The following ADAMTS12 variants were observed in gnomAD, a reference collection of about 807,000 sequenced individuals.
The protein encoded by ADAMTS12 is A disintegrin and metalloproteinase with thrombospondin motifs 12.
A neutral mutation model predicts 167.8 loss-of-function variants in ADAMTS12; 118 were observed. The ratio of observed to expected loss-of-function variants is 0.70; its 90% CI spans 0.61 to 0.82. The LOEUF (loss-of-function observed/expected upper bound fraction) is 0.82. Among genes scored for constraint, ADAMTS12 ranks in the 40% least tolerant of loss-of-function variants. ADAMTS12 has a pLI of 0.00. For missense variants in ADAMTS12, 1,916 were observed against 1,998.8 expected, an observed-to-expected ratio of 0.96 and a Z score of 0.79; for synonymous variants, 704 against 716.9, an observed-to-expected ratio of 0.98 and a Z score of 0.29.
At chr5:33,569,572 C>T in intron 19 of ADAMTS12, among the ~76,000 whole-genome samples, 1 of 152,110 alleles carries the variant, frequency 6.6e-6, no homozygotes, top group Non-Finnish European at 1.5e-5. Flanking sequence ...ACAGAAAGGA[C>T]ATCCACACAA....
chr5:33,560,467 G>A (rs1241691064), intron 20 of ADAMTS12, among the ~76,000 whole-genome samples: 1 of 152,140 alleles, frequency 6.6e-6, no homozygotes, highest in Non-Finnish European at 1.5e-5. Context: ...AAAGACACAT[G>A]CACACGTATG....
chr5:33,675,964 A>G (rs1741885574), intron 5 of ADAMTS12, among the ~76,000 whole-genome samples: 1 of 152,198 alleles, frequency 6.6e-6, no homozygotes, highest in African/African-American at 2.4e-5. Flanking sequence ...TCCGTAAAGC[A>G]TCCTGGAAAC....
At chr5:33,578,009 TA>T (rs1299550562) in intron 18 of ADAMTS12, among the ~76,000 whole-genome samples, 4 of 152,298 alleles carry the variant, frequency 2.6e-5, no homozygotes, top group African/African-American at 9.6e-5. Flanking sequence ...GAATGGCAGA[TA>T]TGGAGTTGCT....
intron 2 of ADAMTS12, among the ~76,000 whole-genome samples, chr5:33,826,391 C>T (rs1748071043): frequency 6.6e-6 from 1 of 151,874 alleles, no homozygotes; most frequent in Non-Finnish European, 1.5e-5. Context: ...AATATTAATA[C>T]TAGCAAATTT....
chr5:33,732,815 C>A (rs1458528462), intron 3 of ADAMTS12, among the ~76,000 whole-genome samples: 1 of 151,926 alleles, frequency 6.6e-6, no homozygotes, highest in African/African-American at 2.4e-5. Context: ...AATAATCACA[C>A]AGAGTTTTAT....
intron 19 of ADAMTS12, among the ~76,000 whole-genome samples, chr5:33,572,801 G>A (rs1746458485): frequency 6.9e-6 from 1 of 145,536 alleles, no homozygotes; most frequent in Non-Finnish European, 1.5e-5. Context: ...AAAAGAGGAA[G>A]TCAAATTGTC....
intron 2 of ADAMTS12, among the ~76,000 whole-genome samples, chr5:33,781,983 C>G (rs1240131967): frequency 6.6e-6 from 1 of 151,992 alleles, no homozygotes; most frequent in East Asian, 1.9e-4. Context: ...TCTTATTTAT[C>G]CATTAAAGCT....
At chr5:33,621,006 G>C (rs1193652694) in intron 14 of ADAMTS12, among the ~76,000 whole-genome samples, 1 of 152,176 alleles carries the variant, frequency 6.6e-6, no homozygotes, top group Non-Finnish European at 1.5e-5. Context: ...GCTTGCACCA[G>C]TATAAGGGGA....
chr5:33,540,473 G>GT (rs1392940867), intron 22 of ADAMTS12, among the ~76,000 whole-genome samples: 1 of 152,250 alleles, frequency 6.6e-6, no homozygotes, highest in Non-Finnish European at 1.5e-5. Flanking sequence ...CCAGCATGGT[G>GT]TTTGAGCTCT....
At chr5:33,649,774 G>C (rs532732717) in intron 7 of ADAMTS12, 77 bp from the exon 8 acceptor site, 69 of 1,557,788 alleles carry the variant, frequency 4.4e-5, no homozygotes, top group East Asian at 1.1e-4. Context: ...GTTTCCCTAA[G>C]AGCGTAATAA....
chr5:33,887,178 T>C (rs1750666514), intron 1 of ADAMTS12, among the ~76,000 whole-genome samples: 1 of 152,178 alleles, frequency 6.6e-6, no homozygotes, highest in African/African-American at 2.4e-5. Flanking sequence ...GAAATAATAA[T>C]AGCTCCTAAT....
At chr5:33,662,345 T>C (rs926369107) in intron 5 of ADAMTS12, among the ~76,000 whole-genome samples, 2 of 152,228 alleles carry the variant, frequency 1.3e-5, no homozygotes, top group African/African-American at 4.8e-5. Context: ...CAAAAGCTAT[T>C]TGAAGGTCTA....
chr5:33,535,041 A>G, intron 22 of ADAMTS12, 49 bp from the exon 23 acceptor site: 1 of 1,534,546 alleles, frequency 6.5e-7, no homozygotes, highest in Non-Finnish European at 8.7e-7. Flanking sequence ...CACGACTCCC[A>G]AGGAAACACC....
chr5:33,776,060 C>G (rs554034179), intron 2 of ADAMTS12, among the ~76,000 whole-genome samples: 1 of 152,040 alleles, frequency 6.6e-6, no homozygotes, highest in East Asian at 1.9e-4. Flanking sequence ...CATCACAGTA[C>G]CTCAGTATAT....
chr5:33,778,121 G>A (rs1392482560), intron 2 of ADAMTS12, among the ~76,000 whole-genome samples: 1 of 152,050 alleles, frequency 6.6e-6, no homozygotes, highest in Non-Finnish European at 1.5e-5. Flanking sequence ...CAGATTCTAT[G>A]TAATCCGTAT....
At chr5:33,652,253 A>G (rs1740890936) in intron 7 of ADAMTS12, among the ~76,000 whole-genome samples, 1 of 152,200 alleles carries the variant, frequency 6.6e-6, no homozygotes, top group South Asian at 2.1e-4. Context: ...ACAGTGGTGT[A>G]TAAGCATTCT....
chr5:33,572,536 C>T (rs1579685169), intron 19 of ADAMTS12, among the ~76,000 whole-genome samples: 1 of 146,108 alleles, frequency 6.8e-6, no homozygotes, highest in Admixed American at 7.1e-5. Flanking sequence ...AGGCCTTTGA[C>T]AAAATTCAAC....
chr5:33,795,576 AG>A (rs1746741906), intron 2 of ADAMTS12, among the ~76,000 whole-genome samples: 3 of 152,236 alleles, frequency 2.0e-5, no homozygotes, highest in Non-Finnish European at 4.4e-5. Flanking sequence ...AGAAGCACAA[AG>A]GGACTCCAGC....
intron 14 of ADAMTS12, among the ~76,000 whole-genome samples, chr5:33,618,796 A>G (rs1739158906): frequency 6.6e-6 from 1 of 152,210 alleles, no homozygotes; most frequent in African/African-American, 2.4e-5. Flanking sequence ...CTGTGAAGCC[A>G]TCCACAACAT....
Sources: gnomAD v4.1 joint callset for allele counts (sites outside exome capture counted in the v4.1 genomes callset) on GRCh38, gnomAD v4.1.1 for gene constraint, MANE v1.5 for transcripts, NCBI Gene and HGNC (gene_info 2026-07-23, HGNC 2026-07-21) for gene names.